GATAD1: variants seen among roughly 807,000 people sequenced by gnomAD.
GATAD1 encodes the protein GATA zinc finger domain-containing protein 1.
GATAD1 carries 12 observed loss-of-function variants against 26.5 expected under a neutral mutation model. The ratio of observed to expected loss-of-function variants is 0.45; its 90% CI spans 0.29 to 0.73. GATAD1 has a LOEUF of 0.73. Ranked by LOEUF, GATAD1 falls within the 30% of genes least tolerant of loss-of-function variation. The pLI is 0.10. For synonymous variants in GATAD1, 129 were observed against 133.1 expected (o/e 0.97, Z 0.21); for missense variants, 266 against 342.1 (o/e 0.78, Z 1.75).
At chr7:92,465,178 G>A in the GATAD1 span, 1 of 152,192 alleles carries the variant, frequency 6.6e-6, no homozygotes, top group African/African-American at 2.4e-5. Flanking sequence ...CGTAGGATCC[G>A]AAAGAAATTG....
At chr7:92,475,636 C>T in the GATAD1 span, among the ~76,000 whole-genome samples, 1,003 of 151,572 alleles carry the variant, frequency 6.6e-3, 8 homozygotes, top group Middle Eastern at 0.041. Flanking sequence ...GTTATGCTTA[C>T]CGATGTAGCA....
At chr7:92,472,089 A>G in the GATAD1 span, 51 of 152,340 alleles carry the variant, frequency 3.3e-4, no homozygotes, top group African/African-American at 1.2e-3. Flanking sequence ...AGGAACCTCT[A>G]AAAGGTCCCC....
At chr7:92,481,375 A>G in the GATAD1 span, among the ~76,000 whole-genome samples, 1 of 152,202 alleles carries the variant, frequency 6.6e-6, no homozygotes, top group Non-Finnish European at 1.5e-5. Context: ...CAGAAAGTAT[A>G]TGCGTCAGGT....
intron 3 of GATAD1, 43 bp downstream of exon 3, chr7:92,450,803 G>A: frequency 8.4e-7 from 1 of 1,195,168 alleles, no homozygotes; most frequent in Non-Finnish European, 1.3e-6. Context: ...TGGGCCTAGT[G>A]GGTAATGTGC....
At chr7:92,454,111 G>A (rs11976499) in intron 3 of GATAD1, 4,028 of 232,158 alleles carry the variant, frequency 0.017, 208 homozygotes, top group African/African-American at 0.09. Context: ...AATAGGGGAG[G>A]ATGTGCATGT....
At chr7:92,456,127 C>T (rs1585172937) in intron 4 of GATAD1, among the ~76,000 whole-genome samples, 1 of 152,232 alleles carries the variant, frequency 6.6e-6, no homozygotes, top group East Asian at 1.9e-4. Flanking sequence ...AAACTTAGAG[C>T]AGTGTGGGTA....
chr7:92,479,061 C>T, the GATAD1 span, among the ~76,000 whole-genome samples: 1 of 152,182 alleles, frequency 6.6e-6, no homozygotes, highest in Non-Finnish European at 1.5e-5. Context: ...ACCACTTTTC[C>T]ACTGCACATG....
At chr7:92,492,937 TC>T in the GATAD1 span, 1 of 1,599,356 alleles carries the variant, frequency 6.3e-7, no homozygotes, top group South Asian at 1.1e-5. Context: ...CATAACAACT[TC>T]CTCATATAAC....
the GATAD1 span, chr7:92,487,355 G>A: frequency 1.5e-6 from 1 of 670,272 alleles, no homozygotes; most frequent in Non-Finnish European, 2.7e-6. Flanking sequence ...AACCAAATTT[G>A]TTAAATTAAG....
chr7:92,489,451 A>C, the GATAD1 span: 7 of 1,601,116 alleles, frequency 4.4e-6, no homozygotes, highest in East Asian at 1.6e-4. Context: ...ATTGACGAAG[A>C]GTTAAATTAA....
intron 1 of GATAD1, among the ~76,000 whole-genome samples, chr7:92,448,356 C>G (rs560173297): frequency 5.3e-5 from 8 of 152,112 alleles, no homozygotes; most frequent in African/African-American, 1.9e-4. Flanking sequence ...TTAAGTATTC[C>G]GTTGCAGGGG....
chr7:92,472,875 G>C, the GATAD1 span: 1 of 152,322 alleles, frequency 6.6e-6, no homozygotes, highest in African/African-American at 2.4e-5. Flanking sequence ...CAGGTAGCGA[G>C]GAAATTGAAG....
intron 2 of GATAD1, chr7:92,449,504 C>T (rs1244125125): frequency 1.0e-6 from 1 of 974,198 alleles, no homozygotes; most frequent in Non-Finnish European, 1.2e-6. Context: ...TGTTCAAACA[C>T]AGTGGACAGT....
chr7:92,470,230 G>T, the GATAD1 span: 2 of 775,784 alleles, frequency 2.6e-6, no homozygotes, highest in South Asian at 2.7e-5. Flanking sequence ...ACTCCTATAC[G>T]ATGGGGCATC....
At chr7:92,483,765 A>C in the GATAD1 span, among the ~76,000 whole-genome samples, 4 of 152,234 alleles carry the variant, frequency 2.6e-5, no homozygotes, top group African/African-American at 7.2e-5. Flanking sequence ...TAGTCACAGA[A>C]CGAAACTGTA....
the GATAD1 span, among the ~76,000 whole-genome samples, chr7:92,465,405 G>A: frequency 6.6e-6 from 1 of 151,992 alleles, no homozygotes; most frequent in Non-Finnish European, 1.5e-5. Context: ...ATCACCTGAG[G>A]TCAGGAGTTT....
chr7:92,470,923 G>GA, the GATAD1 span: 259 of 167,560 alleles, frequency 1.5e-3, 1 homozygote, highest in Non-Finnish European at 1.3e-4. Context: ...TGCTTTTTTA[G>GA]ATGTCCTTTG....
Position 92,456,441 on chromosome 7 carries a change from T to G in GATAD1, c.689T>G (p.Phe230Cys). 2.5e-6 allele frequency: 4 copies of G among 1,612,842 alleles called. No homozygotes were observed. The highest frequency in any genetic ancestry group is 3.4e-6 in the Non-Finnish European group (4 of 1,178,804). Residue 230 changes from phenylalanine to cysteine, a missense_variant, in exon 5 of 5, where the codon TTC becomes TGC. Physicochemically the swap from Phe to Cys is radical, Grantham distance 205. Coordinates refer to ENST00000287957, the MANE Select transcript of GATAD1 (RefSeq NM_021167.5). Reference protein sequence around the residue: ...EFVCHAPSEYFKSRSSPFPTV... With the variant: ...EFVCHAPSEYCKSRSSPFPTV... The stretch of plus-strand genomic sequence containing the variant: ...GTTTGTCATGCACCTTCTGAGTATT[T>G]CAAGTCACGGTCATCACCATTTCCC...
In GATAD1 at chr7:92,457,500, TAATGA is replaced by T. The variant is rs1789730874; in HGVS notation, c.*942_*946del. ...ACAAAAAATTAAAAGGGATAGAATA[TAATGA>T]AATATATTTTGAACTTAAATTATAT... On this transcript the variant is annotated 3_prime_UTR_variant, in exon 5 of 5. Coordinates refer to ENST00000287957, the MANE Select transcript of GATAD1 (RefSeq NM_021167.5). The T allele has an allele frequency of 6.6e-6, 1 of 152,146 alleles. No homozygotes were observed. Among genetic ancestry groups the T allele is most frequent in the Admixed American group, 6.5e-5 (1 of 15,268 alleles). The allele number at this position is 152,146 out of a possible 1,614,324, so 9.4% of individuals were successfully genotyped here.
Sources: allele counts gnomAD v4.1 joint callset (sites outside exome capture counted in the v4.1 genomes callset), GRCh38; gene constraint gnomAD v4.1.1; transcripts MANE v1.5; gene names NCBI Gene and HGNC (gene_info 2026-07-23, HGNC 2026-07-21).